TP53I11: variants seen among roughly 807,000 people sequenced by gnomAD.
The protein encoded by TP53I11 is tumor protein p53-inducible protein 11.
In TP53I11, 9 loss-of-function variants were observed where a neutral mutation model predicts 23.3. The observed-to-expected ratio is 0.39, with a 90% CI of 0.23 to 0.67. TP53I11 has a LOEUF of 0.67. Ranked by LOEUF, TP53I11 falls within the 30% of genes least tolerant of loss-of-function variation. TP53I11 has a pLI of 0.48. For synonymous variants in TP53I11, 100 were observed against 106.1 expected, an observed-to-expected ratio of 0.94 and a Z score of 0.35; for missense variants, 170 against 255.2, an observed-to-expected ratio of 0.67 and a Z score of 2.27.
At chr11:44,941,924 G>T (rs555927992) in intron 1 of TP53I11, among the ~76,000 whole-genome samples, 1 of 143,202 alleles carries the variant, frequency 7.0e-6, no homozygotes. Flanking sequence ...TCCTCTGCCT[G>T]CTGACCCCTC....
chr11:44,942,623 T>C (rs1862002702), intron 1 of TP53I11, among the ~76,000 whole-genome samples: 1 of 152,102 alleles, frequency 6.6e-6, no homozygotes, highest in Admixed American at 6.5e-5. Flanking sequence ...ACAATCTTCA[T>C]CCACGGGCAC....
rs780324159 is a variant in TP53I11, at chr11:44,936,101, C to T, written c.335-439G>A. The T allele has an allele frequency of 3.3e-5, 18 of 542,808 alleles. No homozygotes were observed. The highest frequency in any genetic ancestry group is 4.1e-5 in the African/African-American group (2 of 49,054). 33.6% of individuals were successfully genotyped at this position (542,808 alleles called of 1,614,324 possible). A position where few individuals can be genotyped will look rare whatever the true frequency, so the allele number is the denominator to read the frequency against. On this transcript the variant is annotated intron_variant, in intron 5 of 6. Coordinates refer to ENST00000525680, the MANE Select transcript of TP53I11 (RefSeq NM_006034.5). This position sits in a 1 kb window ranked among gnomAD's most constrained non-coding sequence, Gnocchi z 4.4. ...AGAAAACCTGAGCCCGGTAAGGACT[C>T]GCTTTAAGGAAGTCCCCTGGGGGAG...
At chr11:44,935,746 TG>T (rs1230018743) in intron 5 of TP53I11, 84 bp from the exon 6 acceptor site, 2 of 930,478 alleles carry the variant, frequency 2.1e-6, no homozygotes, top group Non-Finnish European at 3.4e-6. Context: ...CTGCTTCCTC[TG>T]GCCACTGCTG....
chr11:44,938,469 T>C, intron 1 of TP53I11, 103 bp from the exon 2 acceptor site: 1 of 1,331,562 alleles, frequency 7.5e-7, no homozygotes, highest in Non-Finnish European at 9.8e-7. Flanking sequence ...CCAGGCCTGC[T>C]GAGGCCTCCC....
At chr11:44,945,903 T>C (rs1808422025) in intron 1 of TP53I11, among the ~76,000 whole-genome samples, 1 of 152,158 alleles carries the variant, frequency 6.6e-6, no homozygotes, top group South Asian at 2.1e-4. Context: ...GTCGGCCCCT[T>C]GGGCAGGATG....
At chr11:44,935,904 G>C in intron 5 of TP53I11, 1 of 577,442 alleles carries the variant, frequency 1.7e-6, no homozygotes, top group Non-Finnish European at 3.1e-6. Flanking sequence ...TGTGACACTG[G>C]GCGAGTCACT....
intron 1 of TP53I11, among the ~76,000 whole-genome samples, chr11:44,941,902 G>A (rs1216752318): frequency 6.6e-6 from 1 of 151,950 alleles, no homozygotes; most frequent in Non-Finnish European, 1.5e-5. Context: ...CCAGGCATTG[G>A]ATGCATTGCT....
In TP53I11 at chr11:44,935,674, G is replaced by GT; in HGVS notation, c.335-13_335-12insA. 6 of 626,842 alleles carry GT rather than the reference G, an allele frequency of 9.6e-6. No homozygotes were observed. Among genetic ancestry groups the GT allele is most frequent in the East Asian group, 4.6e-5 (1 of 21,702 alleles). 38.8% of individuals were successfully genotyped at this position (626,842 alleles called of 1,614,324 possible). The stretch of plus-strand genomic sequence containing the variant: ...GATCAGGGAGATGCCTGGGGCGGGG[G>GT]ATGAAAAGGGGGCTGGGGGTGGGAC... On this transcript the variant is annotated splice_polypyrimidine_tract_variant and intron_variant, in intron 5 of 6. Coordinates refer to ENST00000525680, the MANE Select transcript of TP53I11 (RefSeq NM_006034.5).
Position 44,932,404 on chromosome 11 carries a change from GAATA to G in TP53I11, c.*2476_*2479del, listed in dbSNP as rs1251195030. On this transcript the variant is annotated 3_prime_UTR_variant, in exon 7 of 7. Transcript: ENST00000525680. ...TCTTACAAAAAGAAAAAGGAACAAA[GAATA>G]AATAGTGACCGTGAAGAAAGGTGGT... The G allele has an allele frequency of 1.3e-5, 2 of 152,250 alleles. No individual in the cohort carries two copies. The highest frequency in any genetic ancestry group is 6.5e-5 in the Admixed American group (1 of 15,280). 9.4% of individuals were successfully genotyped at this position (152,250 alleles called of 1,614,324 possible). A position where few individuals can be genotyped will look rare whatever the true frequency, so the allele number is the denominator to read the frequency against.
At chr11:44,935,732 G>A (rs1861036023) in intron 5 of TP53I11, 70 bp from the exon 6 acceptor site, 1 of 1,118,016 alleles carries the variant, frequency 8.9e-7, no homozygotes, top group African/African-American at 1.5e-5. Context: ...CAGGAGGACT[G>A]CTCCTGCTTC....
In TP53I11 at chr11:44,938,189, C is replaced by A. The variant is rs777661056; in HGVS notation, c.129+18G>T. ...GGCCTCCCCAGTGGGTGCCGGAGGCCCCTGCTCTGCACCCCACCTTGGAGC... is the reference window on the plus strand; with the variant it reads ...GGCCTCCCCAGTGGGTGCCGGAGGCACCTGCTCTGCACCCCACCTTGGAGC... On this transcript the variant is annotated intron_variant, in intron 2 of 6. Transcript: ENST00000525680. 3.1e-6 allele frequency: 5 copies of A among 1,609,100 alleles called. No individual in the cohort carries two copies. The Admixed American group carries it at 8.4e-5, about 27-fold the overall frequency.
At chr11:44,944,455 G>C (rs1862195984) in intron 1 of TP53I11, among the ~76,000 whole-genome samples, 1 of 152,188 alleles carries the variant, frequency 6.6e-6, no homozygotes, top group African/African-American at 2.4e-5. Flanking sequence ...ATCTGCTGTG[G>C]AATCTGAGGC....
At position 44,938,215 on chromosome 11, in the gene TP53I11, G is replaced by C. The variant is rs1861376161; in HGVS notation, c.121C>G (p.Arg41Gly). 1 of 1,612,520 alleles carries C rather than the reference G, an allele frequency of 6.2e-7. No individual in the cohort carries two copies. The highest frequency in any genetic ancestry group is 1.1e-5 in the South Asian group (1 of 90,822). ...CCTGCTCTGCACCCCACCTTGGAGC[G>C]ATGCACCTCCCCGTCGTCATCCTCC... is the stretch of plus-strand genomic sequence containing the variant. ...GGEDDDGEVH[R>G]SKISQVLGNE... The change falls in exon 2 of 7, where the codon CGC becomes GGC. Residue 41 changes from arginine to glycine, a missense_variant. Arg to Gly is a moderately radical substitution (Grantham distance 125). Transcript: ENST00000525680.
At chr11:44,946,566 A>T (rs1295531252) in intron 1 of TP53I11, among the ~76,000 whole-genome samples, 3 of 152,224 alleles carry the variant, frequency 2.0e-5, no homozygotes, top group African/African-American at 7.2e-5. Flanking sequence ...CGTCTCCATG[A>T]CACAGCTCTG....
intron 6 of TP53I11, among the ~76,000 whole-genome samples, 170 bp from the exon 7 acceptor site, chr11:44,935,187 G>A (rs963131827): frequency 6.6e-6 from 1 of 152,186 alleles, no homozygotes; most frequent in South Asian, 2.1e-4. Context: ...CAACCCCACA[G>A]ATGTTTCTGC....
rs1243191217 is a variant in TP53I11 at position 44,936,561 on chromosome 11, AT to A, written c.334+241del. The A allele has an allele frequency of 3.8e-6, 5 of 1,304,880 alleles. No homozygotes were observed. In the African/African-American group the frequency reaches 7.7e-5, roughly 20 times the overall value. The allele number at this position is 1,304,880 out of a possible 1,614,324, so 80.8% of individuals were successfully genotyped here. A position where few individuals can be genotyped will look rare whatever the true frequency, so the allele number is the denominator to read the frequency against. Reference sequence around the variant, plus strand: ...ACGCCCAGAGGCAGTGCACACACTTATGAGCGCTCCTTGCAGATGGTGGCGA... The same window carrying A: ...ACGCCCAGAGGCAGTGCACACACTTAGAGCGCTCCTTGCAGATGGTGGCGA... On this transcript the variant is annotated intron_variant, in intron 5 of 6. Transcript: ENST00000525680. The surrounding 1 kb of genome is among the most constrained non-coding windows in gnomAD (Gnocchi z 4.4).
At position 44,935,012 on chromosome 11, in the gene TP53I11, T is replaced by C. The variant is rs773573763; in HGVS notation, c.442A>G (p.Thr148Ala). Reference protein sequence around the residue: ...CYFGVQFLVVTATLAETGLMS... With the variant: ...CYFGVQFLVVAATLAETGLMS... ...AGGCCCGTCTCAGCTAGCGTGGCAG[T>C]GACCACTGTGGGAGAGAGTCCAGCA... is the stretch of plus-strand genomic sequence containing the variant. Residue 148 changes from threonine (T) to alanine (A), a missense_variant, in exon 7 of 7, where the codon ACT (threonine) becomes GCT (alanine). Coordinates refer to ENST00000525680, the MANE Select transcript of TP53I11 (RefSeq NM_006034.5). The C allele has an allele frequency of 5.6e-6, 9 of 1,613,536 alleles. No homozygotes were observed. Among genetic ancestry groups the C allele is most frequent in the African/African-American group, 4.0e-5 (3 of 74,942 alleles).
In TP53I11 at chr11:44,933,531, A is replaced by C. The variant is rs1226847550; in HGVS notation, c.*1353T>G. ...ATCAGGGACTAACGGGGTGTACAGC[A>C]CAGGCTGGTGGGCCCTCAGGGAGAA... On this transcript the variant is annotated 3_prime_UTR_variant, in exon 7 of 7. Transcript: ENST00000525680. 1 of 155,490 alleles carries C rather than the reference A, an allele frequency of 6.4e-6. No individual in the cohort carries two copies. The highest frequency in any genetic ancestry group is 2.4e-5 in the African/African-American group (1 of 41,372). The allele number at this position is 155,490 out of a possible 1,614,324, so 9.6% of individuals were successfully genotyped here. A position where few individuals can be genotyped will look rare whatever the true frequency, so the allele number is the denominator to read the frequency against.
At position 44,936,696 on chromosome 11, in the gene TP53I11, GAAGA is replaced by G. The variant is rs763949088; in HGVS notation, c.334+103_334+106del. On this transcript the variant is annotated intron_variant, in intron 5 of 6. Transcript: ENST00000525680. The surrounding 1 kb of genome is among the most constrained non-coding windows in gnomAD (Gnocchi z 4.4). ...CGGGGTGTGGGCGCAGCATCTGGCC[GAAGA>G]AAGGAAGGGGTGCCCGGGCACGGAC... The G allele has an allele frequency of 2.9e-6, 4 of 1,361,348 alleles. No homozygotes were observed. The highest frequency in any genetic ancestry group is 3.8e-6 in the Non-Finnish European group (4 of 1,051,436). The allele number at this position is 1,361,348 out of a possible 1,614,324, so 84.3% of individuals were successfully genotyped here.
Sources: gnomAD v4.1 joint callset for allele counts (sites outside exome capture counted in the v4.1 genomes callset) on GRCh38, gnomAD v4.1.1 for gene constraint, Gnocchi (gnomAD v3.1) non-coding constraint, MANE v1.5 for transcripts, NCBI Gene and HGNC (gene_info 2026-07-23, HGNC 2026-07-21) for gene names.